Variants in PTPRD observed in about 807,000 individuals in gnomAD.
The protein encoded by PTPRD is receptor-type tyrosine-protein phosphatase delta.
Under a neutral mutation model 214.5 loss-of-function variants are expected in PTPRD, and 34 were observed. The observed-to-expected ratio is 0.16, with a 90% CI of 0.12 to 0.21. PTPRD has a LOEUF of 0.21. PTPRD is among the 10% of genes least tolerant of loss of function. The probability of loss-of-function intolerance (pLI) is 1.00; values close to 1 mark genes in which losing one functional copy is unlikely to be tolerated. For synonymous variants in PTPRD, 1,128 were observed against 845.7 expected (o/e 1.33, Z -5.79); for missense variants, 2,545 against 2,398.7 (o/e 1.06, Z -1.27).
intron 10 of PTPRD, among the ~76,000 whole-genome samples, chr9:9,136,579 A>G (rs1236307086): frequency 2.6e-5 from 4 of 152,306 alleles, no homozygotes; most frequent in Non-Finnish European, 5.9e-5. Context: ...TGAAATCAAG[A>G]GTAACTTAAT....
At chr9:9,364,939 G>C (rs1400990191) in intron 9 of PTPRD, among the ~76,000 whole-genome samples, 3 of 151,430 alleles carry the variant, frequency 2.0e-5, no homozygotes, top group African/African-American at 7.3e-5. Flanking sequence ...AGCAGCAGCA[G>C]AGAAGGGTGT....
intron 8 of PTPRD, among the ~76,000 whole-genome samples, chr9:9,470,273 T>C (rs1283811133): frequency 6.6e-6 from 1 of 152,184 alleles, no homozygotes; most frequent in Non-Finnish European, 1.5e-5. Flanking sequence ...ATGTTTCTCA[T>C]ATTCACATTT....
intron 11 of PTPRD, among the ~76,000 whole-genome samples, chr9:8,742,494 A>C (rs575390392): frequency 9.1e-4 from 138 of 152,320 alleles, no homozygotes; most frequent in Middle Eastern, 3.4e-3. Context: ...TGAATGCAAA[A>C]TATCTGTAAA....
At chr9:8,816,800 T>C (rs1009415021) in intron 11 of PTPRD, among the ~76,000 whole-genome samples, 3 of 152,192 alleles carry the variant, frequency 2.0e-5, no homozygotes, top group South Asian at 2.1e-4. Flanking sequence ...TCTTTAGGAA[T>C]AGAAGAAGAA....
chr9:10,029,574 T>C (rs1227707005), intron 4 of PTPRD, among the ~76,000 whole-genome samples: 1 of 152,204 alleles, frequency 6.6e-6, no homozygotes, highest in East Asian at 1.9e-4. Context: ...TGCTGGATTT[T>C]GGATTTGCAT....
chr9:10,182,698 C>CA (rs1433192420), intron 3 of PTPRD, among the ~76,000 whole-genome samples: 2 of 151,904 alleles, frequency 1.3e-5, no homozygotes, highest in Non-Finnish European at 2.9e-5. Flanking sequence ...AGTAGTTTGG[C>CA]AAAAAATGTA....
chr9:10,518,754 G>C (rs768900561), intron 2 of PTPRD, among the ~76,000 whole-genome samples: 1 of 151,818 alleles, frequency 6.6e-6, no homozygotes, highest in Non-Finnish European at 1.5e-5. Context: ...AGATGGTCTT[G>C]ATCTCCTGAC....
intron 9 of PTPRD, among the ~76,000 whole-genome samples, chr9:9,246,981 C>T (rs908409376): frequency 8.3e-6 from 1 of 120,812 alleles, no homozygotes; most frequent in Non-Finnish European, 1.8e-5. Flanking sequence ...CCTTCTGTCT[C>T]TTGCCACTCA....
intron 9 of PTPRD, among the ~76,000 whole-genome samples, chr9:9,263,503 G>A (rs1470145274): frequency 6.6e-6 from 1 of 151,548 alleles, no homozygotes; most frequent in Non-Finnish European, 1.5e-5. Flanking sequence ...CATTTAGAAA[G>A]CCTTTGTGTA....
intron 12 of PTPRD, among the ~76,000 whole-genome samples, chr9:8,690,396 G>A (rs1029791013): frequency 1.3e-5 from 2 of 151,098 alleles, no homozygotes; most frequent in African/African-American, 4.9e-5. Flanking sequence ...GCATGGTGGT[G>A]GGTGCCTGTA....
intron 11 of PTPRD, among the ~76,000 whole-genome samples, chr9:8,980,297 A>G (rs900189617): frequency 1.3e-5 from 2 of 152,042 alleles, no homozygotes; most frequent in Non-Finnish European, 1.5e-5. Flanking sequence ...TAGATGAACA[A>G]GTTTAGAGAT....
At chr9:9,277,735 C>T (rs1946212368) in intron 9 of PTPRD, among the ~76,000 whole-genome samples, 1 of 151,268 alleles carries the variant, frequency 6.6e-6, no homozygotes, top group Non-Finnish European at 1.5e-5. Context: ...TTTAACCAAC[C>T]TTTGAAGAAT....
At chr9:9,742,280 T>A (rs2098411792) in intron 6 of PTPRD, among the ~76,000 whole-genome samples, 1 of 152,270 alleles carries the variant, frequency 6.6e-6, no homozygotes, top group East Asian at 1.9e-4. Flanking sequence ...GGAAGGAGCA[T>A]GTATGATGGG....
At chr9:10,574,197 A>ATGTGTGTG (rs57331096) in intron 2 of PTPRD, among the ~76,000 whole-genome samples, 1 of 150,182 alleles carries the variant, frequency 6.7e-6, no homozygotes, top group Non-Finnish European at 1.5e-5. Flanking sequence ...GAAATGATAG[A>ATGTGTGTG]TGTGTGTGTG....
At chr9:8,808,179 T>C (rs1175338595) in intron 11 of PTPRD, among the ~76,000 whole-genome samples, 3 of 152,156 alleles carry the variant, frequency 2.0e-5, no homozygotes, top group Admixed American at 6.5e-5. Context: ...ATTTAGGATT[T>C]AGAAGCACAC....
At chr9:8,488,003 T>A (rs2097067463) in intron 27 of PTPRD, among the ~76,000 whole-genome samples, 1 of 152,034 alleles carries the variant, frequency 6.6e-6, no homozygotes, top group Non-Finnish European at 1.5e-5. Flanking sequence ...CTGTCCAGCC[T>A]GAGTGACAGT....
chr9:8,507,557 C>T, intron 21 of PTPRD, 123 bp from the exon 22 acceptor site: 1 of 1,186,470 alleles, frequency 8.4e-7, no homozygotes, highest in Non-Finnish European at 1.2e-6. Flanking sequence ...TAGTGGAAAA[C>T]AAGCTCCTTT....
rs868544804 is a variant in PTPRD, at chr9:8,923,207, A to G, written c.-104+95490T>C. Among the ~76,000 whole-genome samples, 19 of 151,070 alleles carry G rather than the reference A, an allele frequency of 1.3e-4. No homozygotes were observed. The South Asian group carries it at 3.8e-3, about 30-fold the overall frequency. Reference sequence around the variant, plus strand: ...CAGGCGCCTGCCACCACGCCCAGCTAATTTTTGTATTTTTAGTAGAGACAG... The same window carrying G: ...CAGGCGCCTGCCACCACGCCCAGCTGATTTTTGTATTTTTAGTAGAGACAG... On this transcript the variant is annotated intron_variant, in intron 11 of 45. Coordinates refer to ENST00000381196, the MANE Select transcript of PTPRD (RefSeq NM_002839.4).
At chr9:10,144,409 G>A (rs12551163) in intron 3 of PTPRD, among the ~76,000 whole-genome samples, 1,614 of 152,226 alleles carry the variant, frequency 0.011, 92 homozygotes, top group Admixed American at 0.081. Flanking sequence ...TCAAATTTGA[G>A]CTGCTTTCAT....
Sources: gnomAD v4.1 joint callset for allele counts (sites outside exome capture counted in the v4.1 genomes callset) on GRCh38, gnomAD v4.1.1 for gene constraint, MANE v1.5 for transcripts, NCBI Gene and HGNC (gene_info 2026-07-23, HGNC 2026-07-21) for gene names.